Variants in PSPH observed in about 807,000 individuals in gnomAD.
PSPH encodes the protein phosphoserine phosphatase.
Under a neutral mutation model 23.4 loss-of-function variants are expected in PSPH, and 16 were observed. That is an observed-to-expected ratio of 0.68 (90% CI 0.46 to 1.04). The LOEUF is 1.04. Among genes scored for constraint, PSPH ranks in the 50% least tolerant of loss-of-function variants. The pLI is 0.00. For synonymous variants in PSPH, 68 were observed against 99.7 expected, an observed-to-expected ratio of 0.68 and a Z score of 1.89; for missense variants, 223 against 273.7, an observed-to-expected ratio of 0.81 and a Z score of 1.31.
rs560427649 is a variant in PSPH, at chr7:56,014,148, T to C, written c.570+875A>G. Among the ~76,000 whole-genome samples the C allele has an allele frequency of 1.6e-4, 24 of 152,004 alleles. No individual in the cohort carries two copies. In the South Asian group the frequency reaches 4.8e-3, roughly 30 times the overall value. ...TATCTAAGAAAAACAAAACAAAACA[T>C]AATATTTGACTTCACAGGGCTGTTA... On this transcript the variant is annotated intron_variant, in intron 7 of 7. Transcript: ENST00000275605.
intron 7 of PSPH, 95 bp downstream of exon 7, chr7:56,014,928 A>T (rs1788384199): frequency 7.7e-7 from 1 of 1,301,098 alleles, no homozygotes; most frequent in Admixed American, 2.6e-5. Flanking sequence ...GGGCAACAAG[A>T]GTGAAACTCC....
chr7:56,028,336 T>C (rs938953884), intron 3 of PSPH, among the ~76,000 whole-genome samples: 2 of 152,078 alleles, frequency 1.3e-5, no homozygotes, highest in Non-Finnish European at 2.9e-5. Context: ...GTGATCCTCC[T>C]GCCTCAGCCT....
intron 1 of PSPH, among the ~76,000 whole-genome samples, chr7:56,042,654 A>T (rs1271602600): frequency 6.7e-6 from 1 of 148,358 alleles, no homozygotes; most frequent in East Asian, 2.1e-4. Context: ...CTGTCTCAGA[A>T]GGAAAAAAAA....
chr7:56,046,386 C>T (rs973626731), intron 1 of PSPH, among the ~76,000 whole-genome samples: 16 of 152,038 alleles, frequency 1.1e-4, no homozygotes, highest in African/African-American at 2.7e-4. Context: ...GATCTGCCCA[C>T]CTCGGTGTTT....
rs749619757 is a variant in PSPH at position 56,015,185 on chromosome 7, T to G, written c.422-14A>C. The stretch of plus-strand genomic sequence containing the variant: ...CTGCATATTCACCTTAAAAGAGAAA[T>G]AAAAATAGGGTTAAAGACCCAGAGA... On this transcript the variant is annotated splice_polypyrimidine_tract_variant and intron_variant, in intron 6 of 7. Coordinates refer to ENST00000275605, the MANE Select transcript of PSPH (RefSeq NM_004577.4). The G allele has an allele frequency of 1.2e-6, 2 of 1,613,384 alleles. No homozygotes were observed. The highest frequency in any genetic ancestry group is 1.7e-6 in the Non-Finnish European group (2 of 1,179,604).
intron 7 of PSPH, among the ~76,000 whole-genome samples, chr7:56,013,044 TAC>T (rs1313659016): frequency 1.3e-4 from 19 of 149,968 alleles, no homozygotes; most frequent in Non-Finnish European, 2.8e-4. Context: ...TGTATATATA[TAC>T]ACACATATAT....
chr7:56,016,373 C>T (rs1282250658), intron 6 of PSPH, among the ~76,000 whole-genome samples: 1 of 133,428 alleles, frequency 7.5e-6, no homozygotes, highest in Non-Finnish European at 1.6e-5. Context: ...CACTGCACTT[C>T]AGCCAGAGCA....
intron 5 of PSPH, among the ~76,000 whole-genome samples, chr7:56,018,750 G>C (rs1788926197): frequency 6.6e-6 from 1 of 151,634 alleles, no homozygotes; most frequent in African/African-American, 2.4e-5. Context: ...TTGATCATTT[G>C]AGCCCACAAG....
intron 1 of PSPH, among the ~76,000 whole-genome samples, chr7:56,050,937 G>A (rs181132901): frequency 1.8e-4 from 27 of 152,224 alleles, no homozygotes; most frequent in African/African-American, 6.3e-4. Context: ...CCAACACTTT[G>A]GAAGGCCGAG....
chr7:56,027,744 C>T lies in PSPH; in HGVS notation c.-20+4185G>A, dbSNP rs185973482. Among the ~76,000 whole-genome samples the T allele has an allele frequency of 2.7e-5, 4 of 148,978 alleles. No homozygotes were observed. In the East Asian group the frequency reaches 8.1e-4, roughly 30 times the overall value. ...TTGAACCTCTTTCCAACCACTGACA[C>T]TAGCAATAGTTTCAATGAGATTGGC... On this transcript the variant is annotated intron_variant, in intron 3 of 7. Transcript: ENST00000275605.
Position 56,017,224 on chromosome 7 carries a change from A to G in PSPH, c.421+10T>C, listed in dbSNP as rs1429992705. On this transcript the variant is annotated intron_variant, in intron 6 of 7. Transcript: ENST00000275605. ...CTAAGAAAGGGAACATGTTACTGTT[A>G]ACATCTTACCGTTAAAGTAGAATTT... 6.2e-7 allele frequency: 1 copy of G among 1,613,804 alleles called. No homozygotes were observed. The highest frequency in any genetic ancestry group is 1.3e-5 in the African/African-American group (1 of 74,950).
intron 1 of PSPH, among the ~76,000 whole-genome samples, chr7:56,049,279 C>T (rs1213527825): frequency 6.6e-6 from 1 of 151,974 alleles, no homozygotes; most frequent in African/African-American, 2.4e-5. Flanking sequence ...TAATGCTCTC[C>T]CTCCCCTTGC....
chr7:56,025,024 G>A (rs1253271687), intron 3 of PSPH, among the ~76,000 whole-genome samples: 2 of 151,476 alleles, frequency 1.3e-5, no homozygotes, highest in Non-Finnish European at 2.9e-5. Flanking sequence ...GTCTGGTCTC[G>A]AACTCCTGAC....
intron 1 of PSPH, chr7:56,043,280 G>C (rs918858809): frequency 6.8e-6 from 1 of 146,500 alleles, no homozygotes; most frequent in African/African-American, 2.5e-5. Context: ...AAAAAAAAAA[G>C]ACAGCTGTAG....
At chr7:56,013,322 A>T (rs1339740114) in intron 7 of PSPH, among the ~76,000 whole-genome samples, 2 of 151,924 alleles carry the variant, frequency 1.3e-5, no homozygotes. Flanking sequence ...GTTCAAGATT[A>T]GCCTGGGCAA....
chr7:56,014,556 T>C (rs556159794), intron 7 of PSPH, among the ~76,000 whole-genome samples: 19 of 152,336 alleles, frequency 1.2e-4, no homozygotes, highest in Admixed American at 2.0e-4. Context: ...GGTCTCACTA[T>C]GTTGACCAGG....
intron 1 of PSPH, among the ~76,000 whole-genome samples, chr7:56,034,673 G>A (rs1170847590): frequency 6.6e-6 from 1 of 151,982 alleles, no homozygotes; most frequent in Non-Finnish European, 1.5e-5. Flanking sequence ...CCGCCACCAC[G>A]CCCGGCTAAT....
Position 56,021,113 on chromosome 7 carries a change from G to A in PSPH, c.100C>T (p.Leu34=). Residue 34 remains leucine (L), a synonymous_variant, in exon 4 of 8, where the codon CTA becomes TTA. Transcript: ENST00000275605. Reference sequence around the variant, plus strand: ...TCCTCAACGCCACAGATTTTGGCTAGCTCATCGATTCCTTCTTCTCTGATG... The same window carrying A: ...TCCTCAACGCCACAGATTTTGGCTAACTCATCGATTCCTTCTTCTCTGATG... ...TVIREEGIDE[L]AKICGVEDAV... 6.2e-7 allele frequency: 1 copy of A among 1,614,214 alleles called. No homozygotes were observed. The highest frequency in any genetic ancestry group is 1.3e-5 in the African/African-American group (1 of 75,082).
At chr7:56,037,972 C>A (rs1258907072) in intron 1 of PSPH, among the ~76,000 whole-genome samples, 1 of 151,674 alleles carries the variant, frequency 6.6e-6, no homozygotes, top group Non-Finnish European at 1.5e-5. Context: ...CTTGGCCTCC[C>A]AAAGTGCTGG....
Sources: allele counts gnomAD v4.1 joint callset (sites outside exome capture counted in the v4.1 genomes callset), GRCh38; gene constraint gnomAD v4.1.1; transcripts MANE v1.5; gene names NCBI Gene and HGNC (gene_info 2026-07-23, HGNC 2026-07-21).